The following PFKFB3 variants were observed in gnomAD, a reference collection of about 807,000 sequenced individuals.
The protein encoded by PFKFB3 is 6-phosphofructo-2-kinase/fructose-2,6-bisphosphatase 3.
PFKFB3 carries 33 observed loss-of-function variants against 68.0 expected under a neutral mutation model. That is an observed-to-expected ratio of 0.49 (90% CI 0.37 to 0.65). PFKFB3 has a LOEUF of 0.65. Ranked by LOEUF, PFKFB3 falls within the 30% of genes least tolerant of loss-of-function variation. The pLI is 0.00. For synonymous variants in PFKFB3, 315 were observed against 288.2 expected (o/e 1.09, Z -0.94); for missense variants, 586 against 712.2 (o/e 0.82, Z 2.02).
chr10:6,187,949 T>TCTATCTATCTA (rs1842915252), intron 1 of PFKFB3, among the ~76,000 whole-genome samples: 1 of 149,556 alleles, frequency 6.7e-6, no homozygotes, highest in East Asian at 2.0e-4. Flanking sequence ...CCCTCTCCAT[T>TCTATCTATCTA]TCTATCTATC....
At chr10:6,171,165 A>C (rs1306455446) in intron 1 of PFKFB3, among the ~76,000 whole-genome samples, 1 of 152,024 alleles carries the variant, frequency 6.6e-6, no homozygotes, top group African/African-American at 2.4e-5. Flanking sequence ...CTCCTGCCCC[A>C]GCCTCCCGAG....
chr10:6,229,123 T>C lies in PFKFB3; in HGVS notation c.1515+2758T>C, dbSNP rs1474327662. 1.9e-6 allele frequency: 1 copy of C among 523,812 alleles called. No homozygotes were observed. Among genetic ancestry groups the C allele is most frequent in the South Asian group, 1.4e-5 (1 of 71,182 alleles). The allele number at this position is 523,812 out of a possible 1,614,324, so 32.4% of individuals were successfully genotyped here. On this transcript the variant is annotated intron_variant, in intron 14 of 14. Coordinates refer to ENST00000379775, the MANE Select transcript of PFKFB3 (RefSeq NM_004566.4). This position sits in a 1 kb window ranked among gnomAD's most constrained non-coding sequence, Gnocchi z 4.3. ...ACTTTATGCAGAAACTGGAAAGGTGTGATGAGGAATGCAGCCTGAGATGCT... is the reference window on the plus strand; with the variant it reads ...ACTTTATGCAGAAACTGGAAAGGTGCGATGAGGAATGCAGCCTGAGATGCT...
the PFKFB3 span, among the ~76,000 whole-genome samples, chr10:6,285,972 G>GTTTTTTTT: frequency 1.2e-4 from 11 of 89,084 alleles, no homozygotes; most frequent in South Asian, 4.2e-4. Flanking sequence ...TCCTTTCACT[G>GTTTTTTTT]TTTTTTTTTT....
At chr10:6,273,927 C>A in the PFKFB3 span, among the ~76,000 whole-genome samples, 1 of 152,104 alleles carries the variant, frequency 6.6e-6, no homozygotes, top group African/African-American at 2.4e-5. Context: ...TTGTTGTGGG[C>A]CGGTGCGACA....
chr10:6,325,288 A>G, the PFKFB3 span, among the ~76,000 whole-genome samples: 1 of 152,330 alleles, frequency 6.6e-6, no homozygotes, highest in African/African-American at 2.4e-5. Flanking sequence ...TAAAAATAAA[A>G]TGTAAGCACT....
At chr10:6,203,423 C>T in intron 1 of PFKFB3, 87 bp downstream of exon 1, 7 of 924,746 alleles carry the variant, frequency 7.6e-6, no homozygotes, top group Non-Finnish European at 1.0e-5. Context: ...CGACGCCCCT[C>T]TGCGGGGGGC....
In PFKFB3 at chr10:6,221,765, G is replaced by A; in HGVS notation, c.1083+20G>A. The A allele has an allele frequency of 6.6e-7, 1 of 1,519,034 alleles. No homozygotes were observed. The allele number at this position is 1,519,034 out of a possible 1,614,324, so 94.1% of individuals were successfully genotyped here. A position where few individuals can be genotyped will look rare whatever the true frequency, so the allele number is the denominator to read the frequency against. On this transcript the variant is annotated intron_variant, in intron 10 of 14. Coordinates refer to ENST00000379775, the MANE Select transcript of PFKFB3 (RefSeq NM_004566.4). ...GGGGAGGTGAGCGCAGGCTGGGGCG[G>A]GCTGACGGTCCCCAGCACACATGAC...
chr10:6,268,393 T>C, the PFKFB3 span, among the ~76,000 whole-genome samples: 1 of 152,076 alleles, frequency 6.6e-6, no homozygotes, highest in Admixed American at 6.6e-5. Context: ...GGCTCATGCC[T>C]GTAATCCCAG....
At chr10:6,147,102 C>G (rs1841413486) in intron 1 of PFKFB3, among the ~76,000 whole-genome samples, 1 of 152,132 alleles carries the variant, frequency 6.6e-6, no homozygotes, top group Non-Finnish European at 1.5e-5. Flanking sequence ...CTGCAGGGAG[C>G]CAGGCCGCGG....
intron 1 of PFKFB3, among the ~76,000 whole-genome samples, chr10:6,183,042 A>C (rs1464628024): frequency 1.3e-5 from 2 of 152,166 alleles, no homozygotes. Context: ...TACACGCCCC[A>C]GCCCCAAACC....
the PFKFB3 span, among the ~76,000 whole-genome samples, chr10:6,316,501 CAG>C: frequency 6.6e-6 from 1 of 151,906 alleles, no homozygotes; most frequent in African/African-American, 2.4e-5. Flanking sequence ...CTTTTTTTGA[CAG>C]AGTCTTGCTT....
intron 1 of PFKFB3, among the ~76,000 whole-genome samples, chr10:6,204,502 C>T (rs908537217): frequency 6.6e-6 from 1 of 152,250 alleles, no homozygotes; most frequent in African/African-American, 2.4e-5. Flanking sequence ...TCGTCCAGAC[C>T]TGCCCCTCTC....
chr10:6,253,898 G>T (rs1322222414), intron 14 of PFKFB3, among the ~76,000 whole-genome samples: 1 of 152,078 alleles, frequency 6.6e-6, no homozygotes, highest in African/African-American at 2.4e-5. Flanking sequence ...ACAAAAATTA[G>T]CCAGGCATGG....
the PFKFB3 span, among the ~76,000 whole-genome samples, chr10:6,266,892 A>G: frequency 4.6e-5 from 7 of 152,384 alleles, no homozygotes; most frequent in East Asian, 1.2e-3. Context: ...TGCCTCCATT[A>G]TGCTCACAGG....
chr10:6,268,947 C>T, the PFKFB3 span, among the ~76,000 whole-genome samples: 7 of 146,428 alleles, frequency 4.8e-5, no homozygotes, highest in East Asian at 8.0e-4. Flanking sequence ...CACCTGAGCC[C>T]AGGAAGTTGA....
At chr10:6,156,572 A>G (rs1841805857) in intron 1 of PFKFB3, among the ~76,000 whole-genome samples, 1 of 151,958 alleles carries the variant, frequency 6.6e-6, no homozygotes, top group Non-Finnish European at 1.5e-5. Flanking sequence ...CAGTGGCACA[A>G]TCTCGGCTCA....
At chr10:6,156,129 A>ATATGTGTGTGTGTG (rs1554840060) in intron 1 of PFKFB3, among the ~76,000 whole-genome samples, 1 of 96,860 alleles carries the variant, frequency 1.0e-5, no homozygotes, top group Non-Finnish European at 2.8e-5. Flanking sequence ...GTACATATAT[A>ATATGTGTGTGTGTG]TGTGTGTGTG....
chr10:6,262,412 A>G, the PFKFB3 span, among the ~76,000 whole-genome samples: 20 of 139,952 alleles, frequency 1.4e-4, no homozygotes, highest in South Asian at 1.6e-3. Flanking sequence ...CAGAGATCAC[A>G]CCACTGCACT....
the PFKFB3 span, among the ~76,000 whole-genome samples, chr10:6,307,518 CTT>C: frequency 2.6e-5 from 1 of 38,654 alleles, no homozygotes; most frequent in East Asian, 9.1e-4. Flanking sequence ...TTTTTCCTTC[CTT>C]CCTTCCTTCC....
Sources: gnomAD v4.1 joint callset for allele counts (sites outside exome capture counted in the v4.1 genomes callset) on GRCh38, gnomAD v4.1.1 for gene constraint, Gnocchi (gnomAD v3.1) non-coding constraint, MANE v1.5 for transcripts, NCBI Gene and HGNC (gene_info 2026-07-23, HGNC 2026-07-21) for gene names.